The following OSBPL9 variants were observed in gnomAD, a reference collection of about 807,000 sequenced individuals.
OSBPL9 encodes oxysterol binding protein like 9, also known as oxysterol-binding protein-related protein 9.
In OSBPL9, 40 loss-of-function variants were observed where a neutral mutation model predicts 106.6. The ratio of observed to expected loss-of-function variants is 0.38; its 90% CI spans 0.29 to 0.49. The LOEUF is 0.49. Ranked by LOEUF, OSBPL9 falls within the 20% of genes least tolerant of loss-of-function variation. The pLI is 0.97. For synonymous variants in OSBPL9, 269 were observed against 295.4 expected, an observed-to-expected ratio of 0.91 and a Z score of 0.92; for missense variants, 609 against 887.2, an observed-to-expected ratio of 0.69 and a Z score of 3.98.
intron 2 of OSBPL9, among the ~76,000 whole-genome samples, chr1:51,666,715 G>C (rs1648603872): frequency 6.6e-6 from 1 of 152,204 alleles, no homozygotes; most frequent in Non-Finnish European, 1.5e-5. Flanking sequence ...TGGGGTGTCT[G>C]TGAGGTGGGG....
intron 13 of OSBPL9, 24 bp downstream of exon 13, chr1:51,772,206 C>CT: frequency 5.1e-6 from 8 of 1,567,230 alleles, no homozygotes; most frequent in East Asian, 2.3e-5. Context: ...GATAATTTAA[C>CT]TTTTTTTTCT....
At chr1:51,581,686 C>T (rs111444717) in intron 1 of OSBPL9, among the ~76,000 whole-genome samples, 1,655 of 152,154 alleles carry the variant, frequency 0.011, 21 homozygotes, top group African/African-American at 0.038. Context: ...GATAGGGTCT[C>T]ACCCTGTCAC....
intron 1 of OSBPL9, among the ~76,000 whole-genome samples, chr1:51,592,744 T>C (rs1645283184): frequency 6.6e-6 from 1 of 152,206 alleles, no homozygotes; most frequent in South Asian, 2.1e-4. Context: ...TTGAAGCCTC[T>C]CTTTTCCTGA....
chr1:51,707,928 G>A (rs898653316), intron 3 of OSBPL9: 3 of 253,586 alleles, frequency 1.2e-5, no homozygotes, highest in Non-Finnish European at 1.6e-5. Context: ...AGATGGTGAT[G>A]GGATTTCCCT....
chr1:51,520,654 C>T, the OSBPL9 span, among the ~76,000 whole-genome samples: 115 of 152,324 alleles, frequency 7.5e-4, 4 homozygotes, highest in South Asian at 0.023. Flanking sequence ...GGCCTACACC[C>T]ATTACCATTA....
At chr1:51,662,886 A>C (rs889101347) in intron 2 of OSBPL9, among the ~76,000 whole-genome samples, 1 of 151,672 alleles carries the variant, frequency 6.6e-6, no homozygotes, top group African/African-American at 2.4e-5. Context: ...CTAGGACTAC[A>C]GGCGCCCACC....
intron 1 of OSBPL9, among the ~76,000 whole-genome samples, chr1:51,623,941 G>A (rs973273248): frequency 2.7e-4 from 40 of 147,584 alleles, no homozygotes; most frequent in Non-Finnish European, 4.0e-4. Context: ...TTTTTTTGTC[G>A]GAGTCTCGCT....
At chr1:51,659,740 T>G (rs1647026509) in intron 2 of OSBPL9, among the ~76,000 whole-genome samples, 1 of 152,098 alleles carries the variant, frequency 6.6e-6, no homozygotes, top group Non-Finnish European at 1.5e-5. Context: ...CTACTACAAA[T>G]ACATTTTGCC....
Position 51,740,354 on chromosome 1 carries a change from A to G in OSBPL9, c.319-5182A>G, listed in dbSNP as rs77265852. The G allele has an allele frequency of 3.2e-3, 3,383 of 1,066,520 alleles. 62 individuals are homozygous for G. In the African/African-American group the frequency reaches 0.044, roughly 14 times the overall value. 66.1% of individuals were successfully genotyped at this position (1,066,520 alleles called of 1,614,324 possible). On this transcript the variant is annotated intron_variant, in intron 4 of 23. Transcript: ENST00000428468. ...TTTAATCAAAATTACATTCCTGCTA[A>G]GTTTTCATTAGTTTTATTATAGGGT...
At chr1:51,699,827 A>G (rs1233462019) in intron 3 of OSBPL9, among the ~76,000 whole-genome samples, 1 of 152,248 alleles carries the variant, frequency 6.6e-6, no homozygotes, top group Admixed American at 6.5e-5. Context: ...GCTAAGAAAC[A>G]TGAATGTTAC....
At chr1:51,573,236 C>A (rs1645162309), upstream of OSBPL9, among the ~76,000 whole-genome samples, 1 of 149,648 alleles carries the variant, frequency 6.7e-6, no homozygotes, top group Admixed American at 6.7e-5. Context: ...AGGTCGGGTG[C>A]AGTGGCTCAC....
intron 4 of OSBPL9, among the ~76,000 whole-genome samples, chr1:51,726,664 A>T (rs1337315581): frequency 6.6e-6 from 1 of 152,140 alleles, no homozygotes; most frequent in African/African-American, 2.4e-5. Context: ...TTAGTTATAT[A>T]GTTGAAAGAA....
chr1:51,690,903 A>T (rs1462397561), intron 3 of OSBPL9, among the ~76,000 whole-genome samples: 1 of 152,230 alleles, frequency 6.6e-6, no homozygotes. Flanking sequence ...CCTAATGTAC[A>T]CCTAAGCTAC....
At chr1:51,633,712 C>T (rs1645252178) in intron 1 of OSBPL9, among the ~76,000 whole-genome samples, 1 of 152,154 alleles carries the variant, frequency 6.6e-6, no homozygotes, top group Admixed American at 6.5e-5. Flanking sequence ...GCCACAACCT[C>T]CTGGGCTCAA....
chr1:51,750,059 T>C, intron 7 of OSBPL9, 86 bp from the exon 8 acceptor site: 1 of 960,490 alleles, frequency 1.0e-6, no homozygotes, highest in Non-Finnish European at 1.6e-6. Context: ...TCTATACATC[T>C]GAACTGATTT....
chr1:51,787,772 G>C lies in OSBPL9; in HGVS notation c.2194G>C (p.Gly732Arg). 6.2e-7 allele frequency: 1 copy of C among 1,613,088 alleles called. No individual in the cohort carries two copies. Among genetic ancestry groups the C allele is most frequent in the Non-Finnish European group, 8.5e-7 (1 of 1,179,412 alleles). Residue 732 changes from glycine (G) to arginine (R), a missense_variant, in exon 24 of 24, where the codon GGT (glycine) becomes CGT (arginine). Gly to Arg is a moderately radical substitution (Grantham distance 125). Transcript: ENST00000428468. Reference protein sequence around the residue: ...VYDEPLLKRLGAAKH With the variant: ...VYDEPLLKRLRAAKH ...TGATGAACCATTACTGAAACGTCTT[G>C]GTGCTGCCAAGCATTAGGTTGGAAG... is the stretch of plus-strand genomic sequence containing the variant.
At chr1:51,766,525 A>G (rs968721935) in intron 12 of OSBPL9, among the ~76,000 whole-genome samples, 10 of 152,178 alleles carry the variant, frequency 6.6e-5, no homozygotes, top group Non-Finnish European at 4.4e-5. Flanking sequence ...AATACGTGGT[A>G]TGGTATCTTA....
intron 21 of OSBPL9, 131 bp downstream of exon 21, chr1:51,786,017 GGACA>G: frequency 1.3e-6 from 1 of 772,950 alleles, no homozygotes; most frequent in Non-Finnish European, 2.1e-6. Flanking sequence ...TGGAACTTTA[GGACA>G]GCTCCAGTGT....
intron 1 of OSBPL9, among the ~76,000 whole-genome samples, chr1:51,649,690 T>G (rs1447867272): frequency 6.6e-6 from 1 of 151,300 alleles, no homozygotes; most frequent in Non-Finnish European, 1.5e-5. Flanking sequence ...CCTTCTGGAG[T>G]CCACAGCACT....
Sources: allele counts gnomAD v4.1 joint callset (sites outside exome capture counted in the v4.1 genomes callset), GRCh38; gene constraint gnomAD v4.1.1; transcripts MANE v1.5; gene names NCBI Gene and HGNC (gene_info 2026-07-23, HGNC 2026-07-21).